The following PID1 variants were observed in gnomAD, a reference collection of about 807,000 sequenced individuals.
PID1 encodes the protein PTB-containing, cubilin and LRP1-interacting protein.
In PID1, 10 loss-of-function variants were observed where a neutral mutation model predicts 19.1. The ratio of observed to expected loss-of-function variants is 0.52; its 90% CI spans 0.32 to 0.89. The LOEUF is 0.89. Ranked by LOEUF, PID1 falls within the 40% of genes least tolerant of loss-of-function variation. The pLI, the probability that PID1 is intolerant of heterozygous loss-of-function variation, is 0.03. For missense variants in PID1, 248 were observed against 285.3 expected (o/e 0.87, Z 0.94); for synonymous variants, 130 against 116.0 (o/e 1.12, Z -0.78).
intron 2 of PID1, among the ~76,000 whole-genome samples, chr2:229,077,301 T>A (rs887948788): frequency 6.6e-6 from 1 of 152,214 alleles, no homozygotes. Flanking sequence ...GTCAGATGGA[T>A]AGATTGCAAA....
chr2:229,247,986 TTC>T (rs1163066893), intron 1 of PID1, among the ~76,000 whole-genome samples: 1 of 152,286 alleles, frequency 6.6e-6, no homozygotes, highest in East Asian at 1.9e-4. Context: ...TCATCCTTCC[TTC>T]TCTCTCTTCC....
intron 1 of PID1, among the ~76,000 whole-genome samples, chr2:229,195,941 T>C (rs1026545588): frequency 6.6e-6 from 1 of 152,062 alleles, no homozygotes; most frequent in Non-Finnish European, 1.5e-5. Flanking sequence ...TTCTAATAAA[T>C]GTATTAAACG....
chr2:229,129,846 C>T (rs757274182), intron 2 of PID1, among the ~76,000 whole-genome samples: 5 of 152,274 alleles, frequency 3.3e-5, no homozygotes, highest in Middle Eastern at 3.4e-3. Flanking sequence ...CTAGCACCCA[C>T]GGCTTCTAGT....
At chr2:229,053,586 G>A (rs1391964945) in intron 2 of PID1, among the ~76,000 whole-genome samples, 4 of 152,176 alleles carry the variant, frequency 2.6e-5, no homozygotes, top group Non-Finnish European at 4.4e-5. Flanking sequence ...CAGCAAGCCC[G>A]AGGAACAGCC....
chr2:229,134,113 T>C lies in PID1; in HGVS notation c.177+21705A>G, dbSNP rs59466597. ...CTGCGTGGGGACAAAATCATCCCAT[T>C]TGAGAACCATCAGTCACCTAATGAT... On this transcript the variant is annotated intron_variant, in intron 2 of 2. Transcript: ENST00000392055. 1.1e-3 allele frequency among the ~76,000 whole-genome samples: 165 copies of C among 152,212 alleles called. 1 individual carries two copies. The highest frequency in any genetic ancestry group is 4.0e-3 in the African/African-American group (164 of 41,512).
chr2:229,155,975 G>C lies in PID1; in HGVS notation c.31-11C>G, dbSNP rs1227498446. On this transcript the variant is annotated splice_polypyrimidine_tract_variant and intron_variant, in intron 1 of 2. Transcript: ENST00000392055. ...CATGGTCTGAAAGTGCTGAAAAGCA[G>C]AAAAATAAGCCACATGTAGTTTAAT... is the stretch of plus-strand genomic sequence containing the variant. 1.9e-6 allele frequency: 3 copies of C among 1,610,424 alleles called. No individual in the cohort carries two copies. The highest frequency in any genetic ancestry group is 2.5e-6 in the Non-Finnish European group (3 of 1,178,884).
At chr2:229,083,573 C>A (rs1436189556) in intron 2 of PID1, among the ~76,000 whole-genome samples, 1 of 152,132 alleles carries the variant, frequency 6.6e-6, no homozygotes, top group African/African-American at 2.4e-5. Context: ...CACCAGCAAA[C>A]AAACACTTGA....
intron 2 of PID1, among the ~76,000 whole-genome samples, chr2:229,071,072 T>C (rs1694440914): frequency 6.7e-6 from 1 of 148,636 alleles, no homozygotes; most frequent in South Asian, 2.1e-4. Context: ...GGTTCACTTT[T>C]TAAGCAAATG....
intron 1 of PID1, among the ~76,000 whole-genome samples, chr2:229,185,103 C>T (rs919899560): frequency 2.6e-4 from 35 of 132,378 alleles, no homozygotes; most frequent in African/African-American, 9.3e-4. Flanking sequence ...TATATATATC[C>T]TATATATATC....
At chr2:229,232,376 G>C (rs887595195) in intron 1 of PID1, among the ~76,000 whole-genome samples, 1 of 136,418 alleles carries the variant, frequency 7.3e-6, no homozygotes, top group African/African-American at 2.8e-5. Flanking sequence ...AGCCTGCAGT[G>C]AGCCGAGATC....
intron 2 of PID1, among the ~76,000 whole-genome samples, chr2:229,032,336 A>G (rs1001160059): frequency 6.6e-6 from 1 of 152,208 alleles, no homozygotes; most frequent in Non-Finnish European, 1.5e-5. Flanking sequence ...ACAGAACTCA[A>G]TGTGCAAGGC....
intron 2 of PID1, among the ~76,000 whole-genome samples, chr2:229,063,186 T>C (rs1051074104): frequency 3.9e-5 from 6 of 152,118 alleles, no homozygotes; most frequent in East Asian, 1.9e-4. Flanking sequence ...TGTTCTTCTT[T>C]TTCTAGTTCC....
At chr2:229,148,478 G>A (rs999847436) in intron 2 of PID1, among the ~76,000 whole-genome samples, 4 of 152,176 alleles carry the variant, frequency 2.6e-5, no homozygotes, top group South Asian at 2.1e-4. Context: ...GGTGAAGAGG[G>A]AGGAGCAAGG....
At chr2:229,137,280 G>A (rs1454694061) in intron 2 of PID1, among the ~76,000 whole-genome samples, 2 of 152,142 alleles carry the variant, frequency 1.3e-5, no homozygotes, top group Non-Finnish European at 2.9e-5. Flanking sequence ...TGTCAAATGC[G>A]CTACACTCAT....
intron 1 of PID1, among the ~76,000 whole-genome samples, chr2:229,237,921 A>G (rs1689757403): frequency 6.6e-6 from 1 of 152,188 alleles, no homozygotes; most frequent in African/African-American, 2.4e-5. Flanking sequence ...TAATCATTCC[A>G]ATTTTAATTA....
At chr2:229,247,150 C>T (rs376326790) in intron 1 of PID1, among the ~76,000 whole-genome samples, 3 of 152,198 alleles carry the variant, frequency 2.0e-5, no homozygotes, top group African/African-American at 7.2e-5. Flanking sequence ...CTAGAAAGCA[C>T]GGTGTATCAT....
intron 1 of PID1, among the ~76,000 whole-genome samples, chr2:229,160,127 C>T (rs1235050693): frequency 2.6e-5 from 4 of 152,208 alleles, no homozygotes; most frequent in Non-Finnish European, 5.9e-5. Context: ...CCAACTTCTG[C>T]CACACAGCAA....
intron 1 of PID1, among the ~76,000 whole-genome samples, chr2:229,210,176 G>A (rs1691696874): frequency 6.6e-6 from 1 of 151,424 alleles, no homozygotes; most frequent in African/African-American, 2.4e-5. Flanking sequence ...TAAAGGAGGG[G>A]GAGGATCCAT....
chr2:229,257,196 G>A (rs1016702298), intron 1 of PID1, among the ~76,000 whole-genome samples: 2 of 152,136 alleles, frequency 1.3e-5, no homozygotes, highest in Non-Finnish European at 2.9e-5. Context: ...TTCAACACCT[G>A]AGCAGGGTGA....
Sources: gnomAD v4.1 joint callset for allele counts (sites outside exome capture counted in the v4.1 genomes callset) on GRCh38, gnomAD v4.1.1 for gene constraint, MANE v1.5 for transcripts, NCBI Gene and HGNC (gene_info 2026-07-23, HGNC 2026-07-21) for gene names.